Variants in INSL6 observed in about 807,000 individuals in gnomAD.
INSL6 encodes insulin-like peptide INSL6.
INSL6 carries 16 observed loss-of-function variants against 9.4 expected under a neutral mutation model. The observed-to-expected ratio is 1.70, with a 90% CI of 1.15 to 2.59. The LOEUF is 2.59. Ranked by LOEUF, INSL6 falls within the 30% of genes most tolerant of loss-of-function variation. The pLI is 0.00. For synonymous variants in INSL6, 154 were observed against 96.9 expected, an observed-to-expected ratio of 1.59 and a Z score of -3.46; for missense variants, 391 against 257.3, an observed-to-expected ratio of 1.52 and a Z score of -3.56.
the INSL6 span, among the ~76,000 whole-genome samples, chr9:5,065,647 T>G: frequency 2.6e-5 from 4 of 152,228 alleles, no homozygotes; most frequent in African/African-American, 4.8e-5. Context: ...CTAGTAACTA[T>G]CACATTGGCT....
At chr9:5,031,804 G>C in the INSL6 span, among the ~76,000 whole-genome samples, 1 of 152,340 alleles carries the variant, frequency 6.6e-6, no homozygotes, top group African/African-American at 2.4e-5. Flanking sequence ...AATAGGAACA[G>C]GTCCAGTCTA....
the INSL6 span, among the ~76,000 whole-genome samples, chr9:5,049,278 T>C: frequency 1.3e-5 from 2 of 152,230 alleles, no homozygotes; most frequent in Non-Finnish European, 2.9e-5. Context: ...CCATAGTTTC[T>C]AGGATCAGGT....
chr9:5,043,212 A>G, the INSL6 span, among the ~76,000 whole-genome samples: 4 of 152,182 alleles, frequency 2.6e-5, no homozygotes, highest in Admixed American at 6.5e-5. Flanking sequence ...GGCAGTGCCC[A>G]GGGCGGTGGC....
chr9:5,010,570 C>G, the INSL6 span, among the ~76,000 whole-genome samples: 1 of 152,178 alleles, frequency 6.6e-6, no homozygotes. Context: ...ATTCACCCGC[C>G]TCGGCCTCCC....
the INSL6 span, chr9:5,041,776 A>C: frequency 2.0e-6 from 1 of 488,220 alleles, no homozygotes. Flanking sequence ...CTGCCCTCCC[A>C]GCCTCAGCTT....
chr9:5,163,263 T>C (rs1045656315), downstream of INSL6, among the ~76,000 whole-genome samples: 1 of 152,212 alleles, frequency 6.6e-6, no homozygotes, highest in African/African-American at 2.4e-5. Flanking sequence ...GCTTTAAGAA[T>C]CTTTTCTACA....
the INSL6 span, among the ~76,000 whole-genome samples, chr9:5,024,009 C>T: frequency 1.3e-5 from 2 of 152,088 alleles, no homozygotes; most frequent in East Asian, 3.9e-4. Flanking sequence ...GTAATCCCAG[C>T]ACTTTGGGAG....
the INSL6 span, among the ~76,000 whole-genome samples, chr9:5,003,442 A>G: frequency 9.2e-5 from 14 of 151,984 alleles, no homozygotes; most frequent in African/African-American, 3.4e-4. Flanking sequence ...AGATATTTCC[A>G]TAGATGTATT....
chr9:5,087,230 A>T, the INSL6 span, among the ~76,000 whole-genome samples: 2 of 152,184 alleles, frequency 1.3e-5, no homozygotes, highest in Non-Finnish European at 1.5e-5. Context: ...GGCCTCAGGA[A>T]ACTTACAGTC....
chr9:5,125,309 TTC>T (rs1367696852), intron 3 of INSL6, among the ~76,000 whole-genome samples: 2 of 151,310 alleles, frequency 1.3e-5, no homozygotes, highest in African/African-American at 4.8e-5. Flanking sequence ...TTTGCTCTCC[TTC>T]TGTTTCATGA....
chr9:5,110,906 C>G, the INSL6 span: 13 of 557,286 alleles, frequency 2.3e-5, no homozygotes, highest in African/African-American at 2.5e-4. Flanking sequence ...CGCTCTGGCC[C>G]CAAGAGAATG....
chr9:5,092,079 C>T, the INSL6 span, among the ~76,000 whole-genome samples: 24 of 152,194 alleles, frequency 1.6e-4, no homozygotes, highest in Middle Eastern at 3.4e-3. Context: ...TGTCCTATTA[C>T]AGCACCTAAG....
At chr9:5,043,886 C>T in the INSL6 span, among the ~76,000 whole-genome samples, 1 of 152,132 alleles carries the variant, frequency 6.6e-6, no homozygotes, top group Non-Finnish European at 1.5e-5. Context: ...GATATTTGTA[C>T]AATGCTATGA....
chr9:5,137,131 T>G (rs1479512958), intron 2 of INSL6, among the ~76,000 whole-genome samples: 3 of 152,116 alleles, frequency 2.0e-5, no homozygotes, highest in African/African-American at 2.4e-5. Context: ...CACAAACAAA[T>G]GGAAAAACAT....
downstream of INSL6, among the ~76,000 whole-genome samples, chr9:5,161,721 T>C (rs1380731142): frequency 6.6e-6 from 1 of 152,162 alleles, no homozygotes; most frequent in African/African-American, 2.4e-5. Flanking sequence ...TTAGAACTCA[T>C]AAACAAATTC....
the INSL6 span, among the ~76,000 whole-genome samples, chr9:5,028,261 C>T: frequency 6.6e-6 from 1 of 152,170 alleles, no homozygotes; most frequent in Non-Finnish European, 1.5e-5. Context: ...TCTTGGGTGA[C>T]CAGGTGCATT....
At chr9:5,176,224 T>C (rs935701404) in intron 1 of INSL6, among the ~76,000 whole-genome samples, 10 of 152,196 alleles carry the variant, frequency 6.6e-5, no homozygotes, top group African/African-American at 2.4e-4. Flanking sequence ...ACATATCCAC[T>C]TGGATAATTC....
the INSL6 span, among the ~76,000 whole-genome samples, chr9:5,066,378 T>C: frequency 6.6e-6 from 1 of 152,140 alleles, no homozygotes; most frequent in Admixed American, 6.5e-5. Flanking sequence ...TTTAAAAATA[T>C]TAACTTTGTA....
At chr9:5,059,969 C>G in the INSL6 span, among the ~76,000 whole-genome samples, 1 of 152,100 alleles carries the variant, frequency 6.6e-6, no homozygotes, top group Non-Finnish European at 1.5e-5. Context: ...CGTATATAGA[C>G]ATACGTCAGA....
Sources: allele counts gnomAD v4.1 joint callset (sites outside exome capture counted in the v4.1 genomes callset), GRCh38; gene constraint gnomAD v4.1.1; transcripts MANE v1.5; gene names NCBI Gene and HGNC (gene_info 2026-07-23, HGNC 2026-07-21).